The following PMP22 variants were observed in gnomAD, a reference collection of about 807,000 sequenced individuals.
PMP22 encodes the protein peripheral myelin protein 22.
PMP22 carries 2 observed loss-of-function variants against 18.9 expected under a neutral mutation model. The ratio of observed to expected loss-of-function variants is 0.11; its 90% CI spans 0.04 to 0.33. The LOEUF is 0.33. Ranked by LOEUF, PMP22 falls within the 10% of genes least tolerant of loss-of-function variation. The pLI is 1.00. For missense variants in PMP22, 169 were observed against 202.2 expected (o/e 0.84, Z 1.00); for synonymous variants, 95 against 89.2 (o/e 1.07, Z -0.37).
chr17:15,248,823 G>A (rs1025663062), intron 3 of PMP22, among the ~76,000 whole-genome samples: 6 of 152,142 alleles, frequency 3.9e-5, no homozygotes, highest in Admixed American at 6.5e-5. Context: ...TCTTTCAAAC[G>A]GATTTATCAG....
At chr17:15,234,904 C>A (rs910485820) in intron 4 of PMP22, among the ~76,000 whole-genome samples, 8 of 151,902 alleles carry the variant, frequency 5.3e-5, no homozygotes, top group Non-Finnish European at 1.2e-4. Flanking sequence ...GTAGTCTTGA[C>A]CTCTCAGCCT....
chr17:15,264,255 T>G (rs112366210), intron 1 of PMP22, among the ~76,000 whole-genome samples: 17 of 150,112 alleles, frequency 1.1e-4, no homozygotes, highest in African/African-American at 2.7e-4. Context: ...GATAGATAGA[T>G]ATAGATAGAT....
At position 15,230,397 on chromosome 17, in the gene PMP22, G is replaced by A. The variant is rs1394880011; in HGVS notation, c.*520C>T. On this transcript the variant is annotated 3_prime_UTR_variant, in exon 5 of 5. Transcript: ENST00000312280. The stretch of plus-strand genomic sequence containing the variant: ...CGCGTAAAGCTTCACACAGAGGTTC[G>A]GGCAGCGGCTGTTTCTGTTGGATGC... 6.1e-6 allele frequency: 1 copy of A among 163,882 alleles called. No homozygotes were observed. Among genetic ancestry groups the A allele is most frequent in the South Asian group, 1.6e-4 (1 of 6,174 alleles). 10.2% of individuals were successfully genotyped at this position (163,882 alleles called of 1,614,324 possible).
chr17:15,232,006 G>A (rs1488656580), intron 4 of PMP22, among the ~76,000 whole-genome samples: 2 of 152,078 alleles, frequency 1.3e-5, no homozygotes, highest in Non-Finnish European at 2.9e-5. Context: ...GCCTGGAGCT[G>A]CACAAAGCCT....
intron 3 of PMP22, among the ~76,000 whole-genome samples, chr17:15,241,527 C>A (rs1222627437): frequency 1.3e-5 from 2 of 152,106 alleles, no homozygotes; most frequent in Non-Finnish European, 2.9e-5. Context: ...CTTCTCCAAT[C>A]CTGAGATACT....
chr17:15,240,734 G>A (rs1207307403), intron 3 of PMP22, among the ~76,000 whole-genome samples: 4 of 152,160 alleles, frequency 2.6e-5, no homozygotes, highest in Non-Finnish European at 4.4e-5. Flanking sequence ...GCTGGGGGCA[G>A]GCACTGCTCT....
At chr17:15,254,081 T>G (rs966646034) in intron 3 of PMP22, among the ~76,000 whole-genome samples, 2 of 152,042 alleles carry the variant, frequency 1.3e-5, no homozygotes, top group Non-Finnish European at 2.9e-5. Context: ...AATTCCAAGA[T>G]GAGGGGAAGA....
At chr17:15,231,724 G>A (rs988324708) in intron 4 of PMP22, among the ~76,000 whole-genome samples, 7 of 152,176 alleles carry the variant, frequency 4.6e-5, no homozygotes, top group East Asian at 3.9e-4. Context: ...GGGAAGCCAC[G>A]CTGCAGAGGG....
At chr17:15,260,791 A>C in intron 1 of PMP22, 30 bp from the exon 2 acceptor site, 1 of 1,405,152 alleles carries the variant, frequency 7.1e-7, no homozygotes, top group Admixed American at 2.0e-5. Flanking sequence ...CGTGAGGCCG[A>C]ACGCACTGGG....
At chr17:15,233,544 G>A (rs767110411) in intron 4 of PMP22, among the ~76,000 whole-genome samples, 2 of 152,258 alleles carry the variant, frequency 1.3e-5, no homozygotes, top group Non-Finnish European at 2.9e-5. Context: ...CTGGAAGGAA[G>A]CACCCAAGGG....
chr17:15,259,054 C>A (rs756840878), intron 3 of PMP22, 40 bp downstream of exon 3: 5 of 1,385,678 alleles, frequency 3.6e-6, no homozygotes, highest in Non-Finnish European at 5.1e-6. Context: ...GTGTTACAGG[C>A]GTCTGAGGAC....
intron 3 of PMP22, chr17:15,251,619 C>T (rs1908356061): frequency 6.5e-6 from 1 of 152,756 alleles, no homozygotes. Flanking sequence ...GGCCAGATGA[C>T]TCCGGGTCCC....
At chr17:15,234,775 T>C (rs1363721979) in intron 4 of PMP22, among the ~76,000 whole-genome samples, 2 of 151,444 alleles carry the variant, frequency 1.3e-5, no homozygotes, top group Non-Finnish European at 2.9e-5. Context: ...CTGAACAGGA[T>C]GGCACTGAAC....
At chr17:15,250,254 C>T (rs1165324957) in intron 3 of PMP22, among the ~76,000 whole-genome samples, 1 of 152,074 alleles carries the variant, frequency 6.6e-6, no homozygotes, top group African/African-American at 2.4e-5. Context: ...TCCTGGCATT[C>T]CTCCCTCATC....
chr17:15,261,781 C>G lies in PMP22; in HGVS notation c.-34-1020G>C, dbSNP rs1359624555. ...ATCCCAAGTAATGCGGTCCTCGCCC[C>G]TCATTTTAAACTTTGGGGGAACTGA... On this transcript the variant is annotated intron_variant, in intron 1 of 4. Coordinates refer to ENST00000312280, the MANE Select transcript of PMP22 (RefSeq NM_000304.4). This position sits in a 1 kb window ranked among gnomAD's most constrained non-coding sequence, Gnocchi z 5.2. 1 of 152,258 alleles carries G rather than the reference C, an allele frequency of 6.6e-6. No homozygotes were observed. Among genetic ancestry groups the G allele is most frequent in the East Asian group, 1.9e-4 (1 of 5,184 alleles). The allele number at this position is 152,258 out of a possible 1,614,324, so 9.4% of individuals were successfully genotyped here.
At chr17:15,264,723 A>G (rs1166639823) in intron 1 of PMP22, among the ~76,000 whole-genome samples, 1 of 152,096 alleles carries the variant, frequency 6.6e-6, no homozygotes, top group African/African-American at 2.4e-5. Context: ...CTGGTTCTCA[A>G]TGGTGGCAGA....
chr17:15,239,235 C>G (rs1161020941), intron 4 of PMP22: 1 of 616,686 alleles, frequency 1.6e-6, no homozygotes, highest in African/African-American at 1.8e-5. Context: ...CCTCTAAGTT[C>G]TCTTTCATAT....
intron 4 of PMP22, chr17:15,235,370 C>T: frequency 1.4e-6 from 1 of 715,788 alleles, no homozygotes. Flanking sequence ...GAGCTTGATG[C>T]TGGGTGTAAG....
intron 1 of PMP22, among the ~76,000 whole-genome samples, chr17:15,262,250 T>A (rs1405101342): frequency 6.6e-6 from 1 of 152,174 alleles, no homozygotes; most frequent in Non-Finnish European, 1.5e-5. Context: ...CTCTCCTCGT[T>A]GTATTACTCC....
Sources: allele counts gnomAD v4.1 joint callset (sites outside exome capture counted in the v4.1 genomes callset), GRCh38; gene constraint gnomAD v4.1.1; non-coding constraint Gnocchi (gnomAD v3.1); transcripts MANE v1.5; gene names NCBI Gene and HGNC (gene_info 2026-07-23, HGNC 2026-07-21).